Variants in CDC42BPA observed in about 807,000 individuals in gnomAD.
CDC42BPA encodes serine/threonine-protein kinase MRCK alpha.
A neutral mutation model predicts 223.5 loss-of-function variants in CDC42BPA; 80 were observed. The ratio of observed to expected loss-of-function variants is 0.36; its 90% CI spans 0.30 to 0.43. The LOEUF (loss-of-function observed/expected upper bound fraction) is 0.43. Ranked by LOEUF, CDC42BPA falls within the 20% of genes least tolerant of loss-of-function variation. The pLI, the probability that CDC42BPA is intolerant of heterozygous loss-of-function variation, is 1.00. For synonymous variants in CDC42BPA, 694 were observed against 718.6 expected (o/e 0.97, Z 0.55); for missense variants, 1,743 against 2,099.9 (o/e 0.83, Z 3.32).
chr1:227,181,216 A>T (rs1241055261), intron 5 of CDC42BPA, among the ~76,000 whole-genome samples: 1 of 152,246 alleles, frequency 6.6e-6, no homozygotes, highest in Non-Finnish European at 1.5e-5. Context: ...GTTTACAGAT[A>T]ATTGAAAAAA....
intron 6 of CDC42BPA, 141 bp downstream of exon 6, chr1:227,160,402 T>G (rs1663660876): frequency 3.1e-6 from 2 of 654,748 alleles, no homozygotes; most frequent in Non-Finnish European, 2.8e-6. Context: ...CAAATGCCTT[T>G]GTGGAAGGAG....
intron 2 of CDC42BPA, among the ~76,000 whole-genome samples, chr1:227,221,543 C>T: frequency 6.7e-6 from 1 of 149,552 alleles, no homozygotes; most frequent in Admixed American, 6.7e-5. Context: ...ACCCACCCTC[C>T]CTTCCCACTA....
At chr1:227,264,926 T>G (rs1445846200) in intron 1 of CDC42BPA, 1 of 1,228,268 alleles carries the variant, frequency 8.1e-7, no homozygotes, top group Non-Finnish European at 1.2e-6. Flanking sequence ...AATACCCCAC[T>G]CGGTATATTC....
chr1:227,301,074 T>C (rs1353327809), intron 1 of CDC42BPA, among the ~76,000 whole-genome samples: 1 of 150,686 alleles, frequency 6.6e-6, no homozygotes, highest in African/African-American at 2.4e-5. Context: ...TTGCTGTGTG[T>C]TCACAGAAGT....
intron 1 of CDC42BPA, among the ~76,000 whole-genome samples, chr1:227,291,123 T>G (rs1689620696): frequency 6.6e-6 from 1 of 152,130 alleles, no homozygotes; most frequent in African/African-American, 2.4e-5. Flanking sequence ...TCATTGAGAA[T>G]GGAGGGAAGA....
Position 227,196,338 on chromosome 1 carries a change from C to CTTTTTTTTTTTTTT in CDC42BPA, c.451-2418_451-2405dup, listed in dbSNP as rs34352900. Among the ~76,000 whole-genome samples, 13 of 92,360 alleles carry CTTTTTTTTTTTTTT rather than the reference C, an allele frequency of 1.4e-4. 3 individuals are homozygous for CTTTTTTTTTTTTTT. Among genetic ancestry groups the CTTTTTTTTTTTTTT allele is most frequent in the African/African-American group, 4.7e-4 (10 of 21,204 alleles). 60.6% of individuals were successfully genotyped at this position (92,360 alleles called of 152,430 possible). On this transcript the variant is annotated intron_variant, in intron 4 of 36. Transcript: ENST00000366766. ...GCTTTCTTTTTACTATTAAACAATA[C>CTTTTTTTTTTTTTT]TTTTTTTTTTTTTTTTTTTGAGACA...
intron 5 of CDC42BPA, among the ~76,000 whole-genome samples, chr1:227,190,985 T>C (rs1268995969): frequency 6.6e-6 from 1 of 152,040 alleles, no homozygotes; most frequent in Non-Finnish European, 1.5e-5. Context: ...GAAAGCATGA[T>C]AACTAGAAGA....
intron 14 of CDC42BPA, 71 bp downstream of exon 14, chr1:227,112,241 A>G: frequency 1.2e-6 from 1 of 833,114 alleles, no homozygotes; most frequent in Non-Finnish European, 1.9e-6. Context: ...ACAGTATACA[A>G]GCTAACACTC....
intron 1 of CDC42BPA, among the ~76,000 whole-genome samples, chr1:227,277,216 C>CA (rs1687256089): frequency 1.4e-5 from 2 of 144,632 alleles, no homozygotes; most frequent in Admixed American, 1.4e-4. Flanking sequence ...TAGAAAAACT[C>CA]AACTTGCCAA....
At chr1:227,004,898 C>G (rs964178980) in intron 35 of CDC42BPA, 96 bp downstream of exon 35, 1 of 851,118 alleles carries the variant, frequency 1.2e-6, no homozygotes, top group Admixed American at 1.7e-5. Context: ...GCAATGGGCA[C>G]ACGTAAGTGA....
intron 20 of CDC42BPA, 67 bp from the exon 21 acceptor site, chr1:227,069,920 C>A: frequency 9.5e-7 from 1 of 1,053,196 alleles, no homozygotes; most frequent in East Asian, 2.4e-5. Flanking sequence ...GATAACCTTC[C>A]CTGTCTGAAT....
intron 1 of CDC42BPA, among the ~76,000 whole-genome samples, chr1:227,292,841 G>C (rs536994209): frequency 6.6e-6 from 1 of 151,956 alleles, no homozygotes; most frequent in African/African-American, 2.4e-5. Context: ...TTTGACCTTT[G>C]GCCCATATTT....
At chr1:227,090,351 GTCTC>G (rs1417167829) in intron 16 of CDC42BPA, among the ~76,000 whole-genome samples, 1 of 152,144 alleles carries the variant, frequency 6.6e-6, no homozygotes, top group Admixed American at 6.5e-5. Context: ...AAAAGGAAGA[GTCTC>G]TATTTTACAA....
intron 10 of CDC42BPA, among the ~76,000 whole-genome samples, chr1:227,129,717 A>ATATATATATATATATATATATATATAT (rs1656668947): frequency 2.0e-5 from 3 of 146,448 alleles, no homozygotes; most frequent in African/African-American, 5.1e-5. Flanking sequence ...ATATATATAC[A>ATATATATATATATATATATATATATAT]AAAGAATCCA....
chr1:227,283,906 A>G (rs1688399807), intron 1 of CDC42BPA, among the ~76,000 whole-genome samples: 1 of 152,144 alleles, frequency 6.6e-6, no homozygotes, highest in African/African-American at 2.4e-5. Flanking sequence ...GATTTTGCCC[A>G]AATTAGCTGG....
chr1:227,142,006 G>A (rs1386229402), intron 9 of CDC42BPA, among the ~76,000 whole-genome samples: 1 of 152,164 alleles, frequency 6.6e-6, no homozygotes, highest in Non-Finnish European at 1.5e-5. Flanking sequence ...TAGTTACTAG[G>A]TGAGTGGAAG....
At chr1:227,174,618 T>C (rs1245272559) in intron 5 of CDC42BPA, among the ~76,000 whole-genome samples, 1 of 152,142 alleles carries the variant, frequency 6.6e-6, no homozygotes, top group African/African-American at 2.4e-5. Flanking sequence ...TAAAATATTA[T>C]CAACATTAAA....
chr1:227,026,522 AG>A (rs1668284652), intron 30 of CDC42BPA, among the ~76,000 whole-genome samples: 1 of 152,226 alleles, frequency 6.6e-6, no homozygotes, highest in Admixed American at 6.5e-5. Context: ...AGAAATCTTC[AG>A]GTAAGTGTTC....
intron 2 of CDC42BPA, 45 bp from the exon 3 acceptor site, chr1:227,213,264 AATT>A: frequency 9.7e-7 from 1 of 1,026,952 alleles, no homozygotes; most frequent in East Asian, 2.6e-5. Flanking sequence ...AATGACAAAT[AATT>A]TTTTCAGCCA....
Sources: allele counts gnomAD v4.1 joint callset (sites outside exome capture counted in the v4.1 genomes callset), GRCh38; gene constraint gnomAD v4.1.1; transcripts MANE v1.5; gene names NCBI Gene and HGNC (gene_info 2026-07-23, HGNC 2026-07-21).